GMDS: variants seen among roughly 807,000 people sequenced by gnomAD.
GMDS encodes GDP-mannose 4,6-dehydratase.
GMDS carries 20 observed loss-of-function variants against 49.9 expected under a neutral mutation model. That is an observed-to-expected ratio of 0.40 (90% confidence interval 0.28 to 0.58). The LOEUF is 0.58. GMDS is among the 20% of genes least tolerant of loss of function. The pLI is 0.42. For missense variants in GMDS, 362 were observed against 481.4 expected, an observed-to-expected ratio of 0.75 and a Z score of 2.32; for synonymous variants, 177 against 178.6, an observed-to-expected ratio of 0.99 and a Z score of 0.07.
intron 9 of GMDS, among the ~76,000 whole-genome samples, chr6:1,642,796 G>A (rs1256241733): frequency 6.6e-6 from 1 of 152,204 alleles, no homozygotes; most frequent in Non-Finnish European, 1.5e-5. Flanking sequence ...GGGCCTGGAC[G>A]GTCTGTCTCT....
intron 9 of GMDS, among the ~76,000 whole-genome samples, chr6:1,662,450 T>C (rs1581427409): frequency 1.3e-5 from 2 of 152,080 alleles, no homozygotes; most frequent in East Asian, 1.9e-4. Flanking sequence ...GGGCTCCACT[T>C]TGAATTCTGG....
At chr6:2,190,015 C>G (rs1778944408) in intron 1 of GMDS, among the ~76,000 whole-genome samples, 1 of 152,162 alleles carries the variant, frequency 6.6e-6, no homozygotes, top group Non-Finnish European at 1.5e-5. Context: ...GCTCCAAGTC[C>G]TTTCACTACT....
intron 9 of GMDS, among the ~76,000 whole-genome samples, chr6:1,726,062 C>T (rs1423797013): frequency 1.3e-5 from 2 of 152,292 alleles, no homozygotes; most frequent in East Asian, 3.9e-4. Context: ...AGATGTCCTG[C>T]AGGTCTGGGA....
chr6:1,753,522 T>C (rs1190637623), intron 7 of GMDS, among the ~76,000 whole-genome samples: 2 of 152,190 alleles, frequency 1.3e-5, no homozygotes, highest in African/African-American at 4.8e-5. Flanking sequence ...TGAATTCAGC[T>C]CTGGACCAAG....
chr6:1,751,972 C>T (rs1049446869), intron 7 of GMDS, among the ~76,000 whole-genome samples: 8 of 152,198 alleles, frequency 5.3e-5, no homozygotes, highest in African/African-American at 1.9e-4. Context: ...CAGAATGCCT[C>T]TTCTCCTCCA....
At chr6:2,094,184 A>C (rs1773469566) in intron 4 of GMDS, among the ~76,000 whole-genome samples, 1 of 152,234 alleles carries the variant, frequency 6.6e-6, no homozygotes. Context: ...ACAGTGAGGC[A>C]GACACACACT....
intron 4 of GMDS, among the ~76,000 whole-genome samples, chr6:2,052,648 G>A (rs1770487754): frequency 6.6e-6 from 1 of 152,136 alleles, no homozygotes. Flanking sequence ...GGAAACACAT[G>A]GTCTAGACCA....
intron 7 of GMDS, among the ~76,000 whole-genome samples, chr6:1,785,043 G>C (rs3823272): frequency 0.1 from 15,618 of 152,212 alleles, 886 homozygotes; most frequent in East Asian, 0.17. Context: ...AGGATAAAAG[G>C]TGGCTTTTTA....
chr6:1,995,535 A>G (rs1324721593), intron 4 of GMDS, among the ~76,000 whole-genome samples: 1 of 152,172 alleles, frequency 6.6e-6, no homozygotes, highest in Non-Finnish European at 1.5e-5. Flanking sequence ...CTCCATCCGC[A>G]CTAACATTTC....
chr6:1,857,179 G>C (rs188655931), intron 7 of GMDS, among the ~76,000 whole-genome samples: 50 of 152,330 alleles, frequency 3.3e-4, no homozygotes, highest in Admixed American at 1.8e-3. Flanking sequence ...AAGGAAGTGG[G>C]TCTTAGAGAT....
chr6:2,106,058 C>A (rs943858602), intron 4 of GMDS, among the ~76,000 whole-genome samples: 1 of 152,142 alleles, frequency 6.6e-6, no homozygotes, highest in Non-Finnish European at 1.5e-5. Context: ...AATCTAAATT[C>A]GCTGTGGATT....
intron 9 of GMDS, among the ~76,000 whole-genome samples, chr6:1,688,418 C>T (rs557140125): frequency 1.3e-5 from 2 of 152,336 alleles, no homozygotes; most frequent in African/African-American, 4.8e-5. Flanking sequence ...AGCTGGTCTA[C>T]CTCTTTTTCT....
intron 7 of GMDS, among the ~76,000 whole-genome samples, chr6:1,859,642 GA>G (rs1758093982): frequency 6.6e-6 from 1 of 152,148 alleles, no homozygotes; most frequent in African/African-American, 2.4e-5. Flanking sequence ...AGCCTCAGAG[GA>G]AGTGCTGAGG....
intron 7 of GMDS, among the ~76,000 whole-genome samples, chr6:1,915,969 T>C (rs910369671): frequency 2.0e-5 from 3 of 152,172 alleles, no homozygotes; most frequent in African/African-American, 7.2e-5. Flanking sequence ...GAAAGGGCCA[T>C]ATTGGGAGGT....
intron 9 of GMDS, among the ~76,000 whole-genome samples, chr6:1,694,058 T>C (rs535333166): frequency 6.6e-6 from 1 of 152,314 alleles, no homozygotes; most frequent in South Asian, 2.1e-4. Flanking sequence ...CTGAAGGCAC[T>C]AAAGAGAAGA....
At chr6:2,077,663 G>A (rs1772424167) in intron 4 of GMDS, among the ~76,000 whole-genome samples, 1 of 152,014 alleles carries the variant, frequency 6.6e-6, no homozygotes, top group Non-Finnish European at 1.5e-5. Flanking sequence ...TCTTTTCAAT[G>A]TGCAGTAGGA....
Position 1,692,624 on chromosome 6 carries a change from C to A in GMDS, c.987+33792G>T, listed in dbSNP as rs1765212742. 2.6e-5 allele frequency among the ~76,000 whole-genome samples: 4 copies of A among 152,120 alleles called. No individual in the cohort carries two copies. In the South Asian group the frequency reaches 8.3e-4, roughly 32 times the overall value. ...GTTTTTCTGTTTCATATTACATAGTCCCTATTGCTACGTCTTCAAGTTCAC... is the reference window on the plus strand; with the variant it reads ...GTTTTTCTGTTTCATATTACATAGTACCTATTGCTACGTCTTCAAGTTCAC... On this transcript the variant is annotated intron_variant, in intron 9 of 10. Coordinates refer to ENST00000380815, the MANE Select transcript of GMDS (RefSeq NM_001500.4).
chr6:1,738,245 T>C (rs1426748468), intron 8 of GMDS, among the ~76,000 whole-genome samples: 2 of 152,164 alleles, frequency 1.3e-5, no homozygotes, highest in Non-Finnish European at 2.9e-5. Flanking sequence ...GCAGTTGTCA[T>C]AAGGCTGCCT....
intron 7 of GMDS, among the ~76,000 whole-genome samples, chr6:1,872,857 G>A (rs986422007): frequency 1.7e-4 from 26 of 152,322 alleles, no homozygotes; most frequent in African/African-American, 4.8e-4. Context: ...CACTCTGCCC[G>A]CCCCCAGCCC....
Sources: allele counts gnomAD v4.1 joint callset (sites outside exome capture counted in the v4.1 genomes callset), GRCh38; gene constraint gnomAD v4.1.1; transcripts MANE v1.5; gene names NCBI Gene and HGNC (gene_info 2026-07-23, HGNC 2026-07-21).